TK2: variants seen among roughly 807,000 people sequenced by gnomAD.
The protein encoded by TK2 is thymidine kinase 2, mitochondrial.
A neutral mutation model predicts 41.9 loss-of-function variants in TK2; 35 were observed. The observed-to-expected ratio is 0.84, with a 90% confidence interval of 0.64 to 1.11. The LOEUF is 1.11. Among genes scored for constraint, TK2 ranks in the 50% least tolerant of loss-of-function variants. The probability of loss-of-function intolerance (pLI) is 0.00; values close to 1 mark genes in which losing one functional copy is unlikely to be tolerated. For synonymous variants in TK2, 128 were observed against 129.1 expected (o/e 0.99, Z 0.06); for missense variants, 320 against 351.1 (o/e 0.91, Z 0.71).
At chr16:66,526,827 C>A (rs1964947530) in intron 6 of TK2, among the ~76,000 whole-genome samples, 1 of 152,228 alleles carries the variant, frequency 6.6e-6, no homozygotes, top group African/African-American at 2.4e-5. Context: ...AAGACAGACA[C>A]AGCCCCACTC....
intron 5 of TK2, among the ~76,000 whole-genome samples, chr16:66,530,561 C>T (rs979187987): frequency 6.6e-6 from 1 of 152,134 alleles, no homozygotes; most frequent in Non-Finnish European, 1.5e-5. Flanking sequence ...AAGAGCCAGA[C>T]CCCATGAAGG....
intron 6 of TK2, among the ~76,000 whole-genome samples, chr16:66,525,144 C>A (rs1964894360): frequency 6.6e-6 from 1 of 152,134 alleles, no homozygotes; most frequent in South Asian, 2.1e-4. Context: ...GAGCAGATGC[C>A]CCCGTTTCCA....
chr16:66,513,748 T>A lies in TK2; in HGVS notation c.682A>T (p.Met228Leu), dbSNP rs766038334. 1.2e-6 allele frequency: 2 copies of A among 1,613,912 alleles called. No homozygotes were observed. Among genetic ancestry groups the A allele is most frequent in the East Asian group, 2.2e-5 (1 of 44,860 alleles). ...EWLIKGSLFP[M>L]AAPVLVIEAD... is the part of the protein sequence containing the mutation. Reference sequence around the variant, plus strand: ...TTACTTACCAGAACAGGGGCTGCCATGGGGAAAAGGCTGCCTTTGATGAGC... The same window carrying A: ...TTACTTACCAGAACAGGGGCTGCCAAGGGGAAAAGGCTGCCTTTGATGAGC... The change falls in exon 9 of 10, where the codon ATG becomes TTG. Residue 228 changes from methionine to leucine, a missense_variant. Transcript: ENST00000544898.
intron 3 of TK2, among the ~76,000 whole-genome samples, chr16:66,540,390 C>G (rs1392641495): frequency 6.6e-6 from 1 of 152,072 alleles, no homozygotes; most frequent in African/African-American, 2.4e-5. Flanking sequence ...CCAGGCTACT[C>G]TTAAACTACT....
chr16:66,515,278 T>C (rs1567524546), intron 8 of TK2, among the ~76,000 whole-genome samples: 2 of 151,770 alleles, frequency 1.3e-5, no homozygotes, highest in Non-Finnish European at 2.9e-5. Context: ...CTGGGCAGCC[T>C]CTAAACCCTC....
At chr16:66,543,338 C>T (rs1597107802) in intron 2 of TK2, among the ~76,000 whole-genome samples, 1 of 152,220 alleles carries the variant, frequency 6.6e-6, no homozygotes, top group African/African-American at 2.4e-5. Context: ...AGCATCCAGA[C>T]CCTAAATCAG....
intron 6 of TK2, among the ~76,000 whole-genome samples, chr16:66,526,529 C>G (rs942157956): frequency 1.3e-5 from 2 of 152,166 alleles, no homozygotes; most frequent in Non-Finnish European, 2.9e-5. Flanking sequence ...GCAGGAGGAT[C>G]GCTTGAGCCC....
chr16:66,524,689 T>C (rs1400604770), intron 6 of TK2, among the ~76,000 whole-genome samples: 1 of 152,064 alleles, frequency 6.6e-6, no homozygotes, highest in South Asian at 2.1e-4. Flanking sequence ...CCCCGACCAG[T>C]AGGAGTATGG....
At chr16:66,542,952 A>C (rs576287842) in intron 2 of TK2, among the ~76,000 whole-genome samples, 2 of 152,210 alleles carry the variant, frequency 1.3e-5, no homozygotes, top group Admixed American at 1.3e-4. Context: ...AGCTCACTGC[A>C]ACCTCCACCT....
chr16:66,540,722 T>C (rs1208777861), intron 3 of TK2, among the ~76,000 whole-genome samples: 3 of 152,238 alleles, frequency 2.0e-5, no homozygotes, highest in Non-Finnish European at 4.4e-5. Context: ...TAATTGCCTA[T>C]GCATAGTAAT....
At chr16:66,541,847 C>T (rs368524904) in intron 3 of TK2, 32 bp downstream of exon 3, 47 of 1,611,474 alleles carry the variant, frequency 2.9e-5, no homozygotes, top group East Asian at 4.5e-5. Context: ...AAGCTTTCTC[C>T]GCTTCCTTCA....
chr16:66,526,927 C>T (rs962719929), intron 6 of TK2, among the ~76,000 whole-genome samples: 1 of 152,176 alleles, frequency 6.6e-6, no homozygotes, highest in South Asian at 2.1e-4. Context: ...GCTCTGTTGC[C>T]CAGGCTGGAG....
chr16:66,530,335 T>C (rs1965071213), intron 5 of TK2, among the ~76,000 whole-genome samples: 1 of 152,172 alleles, frequency 6.6e-6, no homozygotes, highest in Non-Finnish European at 1.5e-5. Flanking sequence ...GCATCATAGG[T>C]TGTGCTTACA....
chr16:66,549,895 G>C, intron 1 of TK2, 43 bp downstream of exon 1: 1 of 1,331,100 alleles, frequency 7.5e-7, no homozygotes, highest in Non-Finnish European at 9.5e-7. Context: ...GAGTAGGTGG[G>C]CGCATAGGGG....
chr16:66,537,188 CTCTA>C (rs1311034927), intron 3 of TK2, among the ~76,000 whole-genome samples, 171 bp from the exon 4 acceptor site: 3 of 152,328 alleles, frequency 2.0e-5, no homozygotes, highest in Middle Eastern at 3.4e-3. Context: ...GAGGTCACAA[CTCTA>C]TCTAGACACG....
chr16:66,536,242 C>T (rs1965276205), intron 4 of TK2, among the ~76,000 whole-genome samples: 1 of 151,798 alleles, frequency 6.6e-6, no homozygotes, highest in Admixed American at 6.6e-5. Context: ...CACAGGCTTC[C>T]AAGTCCATTT....
chr16:66,536,947 A>G lies in TK2; in HGVS notation c.285+17T>C. On this transcript the variant is annotated intron_variant, in intron 4 of 9. Transcript: ENST00000544898. ...TAAGGGGAAGCCGGGGGTTCATGCA[A>G]CCAACAACCCACTCACCAGAGGATT... The G allele has an allele frequency of 1.2e-6, 2 of 1,613,944 alleles. No individual in the cohort carries two copies. The highest frequency in any genetic ancestry group is 1.7e-6 in the Non-Finnish European group (2 of 1,179,974).
At chr16:66,533,057 T>C (rs893956399) in intron 4 of TK2, among the ~76,000 whole-genome samples, 2 of 140,514 alleles carry the variant, frequency 1.4e-5, no homozygotes, top group African/African-American at 2.7e-5. Flanking sequence ...ACCTATCACC[T>C]GTCTTTTTGA....
chr16:66,522,533 C>G (rs1285778206), intron 6 of TK2, among the ~76,000 whole-genome samples: 1 of 152,266 alleles, frequency 6.6e-6, no homozygotes, highest in South Asian at 2.1e-4. Flanking sequence ...TGCTCACCAC[C>G]TTCAGCTTTT....
Sources: allele counts gnomAD v4.1 joint callset (sites outside exome capture counted in the v4.1 genomes callset), GRCh38; gene constraint gnomAD v4.1.1; transcripts MANE v1.5; gene names NCBI Gene and HGNC (gene_info 2026-07-23, HGNC 2026-07-21).